SUPT3H: variants seen among roughly 807,000 people sequenced by gnomAD.
SUPT3H encodes transcription initiation protein SPT3 homolog.
A neutral mutation model predicts 44.3 loss-of-function variants in SUPT3H; 44 were observed. The ratio of observed to expected loss-of-function variants is 0.99; its 90% confidence interval spans 0.78 to 1.28. The LOEUF is 1.28. SUPT3H is among the 50% of genes most tolerant of loss of function. The pLI is 0.00. For synonymous variants in SUPT3H, 124 were observed against 125.6 expected (o/e 0.99, Z 0.09); for missense variants, 380 against 387.1 (o/e 0.98, Z 0.15).
At chr6:45,149,750 G>C (rs1303567937) in intron 2 of SUPT3H, among the ~76,000 whole-genome samples, 1 of 151,914 alleles carries the variant, frequency 6.6e-6, no homozygotes, top group African/African-American at 2.4e-5. Flanking sequence ...TAACAATCTG[G>C]ACAAAAAAAC....
At chr6:44,903,682 G>A (rs1191575767) in intron 10 of SUPT3H, among the ~76,000 whole-genome samples, 1 of 152,164 alleles carries the variant, frequency 6.6e-6, no homozygotes, top group Non-Finnish European at 1.5e-5. Flanking sequence ...CTCATTTTAT[G>A]AGGCCAGCAT....
At chr6:45,191,998 C>G (rs1216815438) in intron 2 of SUPT3H, among the ~76,000 whole-genome samples, 2 of 152,100 alleles carry the variant, frequency 1.3e-5, no homozygotes, top group African/African-American at 4.8e-5. Flanking sequence ...TATTCACTTA[C>G]TTTACTGAGT....
intron 2 of SUPT3H, among the ~76,000 whole-genome samples, chr6:45,169,792 CTA>C (rs776193488): frequency 3.2e-4 from 49 of 152,126 alleles, no homozygotes; most frequent in Non-Finnish European, 5.6e-4. Context: ...TTTAAAATCT[CTA>C]AGATTCATCC....
intron 2 of SUPT3H, among the ~76,000 whole-genome samples, chr6:45,224,787 A>G (rs1766648310): frequency 6.6e-6 from 1 of 151,812 alleles, no homozygotes; most frequent in Non-Finnish European, 1.5e-5. Flanking sequence ...CCAAAAAAAA[A>G]AAAGAAAGAA....
At chr6:44,994,432 T>C (rs1448522159) in intron 6 of SUPT3H, among the ~76,000 whole-genome samples, 3 of 152,142 alleles carry the variant, frequency 2.0e-5, no homozygotes, top group African/African-American at 7.2e-5. Flanking sequence ...ACTGCCGTAA[T>C]GTTAAAGACC....
chr6:44,982,702 ATTT>A (rs1232731939), intron 6 of SUPT3H, among the ~76,000 whole-genome samples: 1 of 152,160 alleles, frequency 6.6e-6, no homozygotes, highest in Non-Finnish European at 1.5e-5. Context: ...GCACAGAAGA[ATTT>A]TTTGCTGATT....
intron 3 of SUPT3H, among the ~76,000 whole-genome samples, chr6:45,084,892 G>A (rs1022079871): frequency 1.3e-5 from 2 of 152,086 alleles, no homozygotes; most frequent in Non-Finnish European, 2.9e-5. Context: ...GTTTTCACCT[G>A]TTAGTGGGAG....
intron 10 of SUPT3H, among the ~76,000 whole-genome samples, chr6:44,886,529 T>A (rs1762322326): frequency 6.6e-6 from 1 of 152,194 alleles, no homozygotes; most frequent in South Asian, 2.1e-4. Flanking sequence ...GCTTCAGAAG[T>A]GAAGGAGAAA....
chr6:45,098,671 C>A, intron 3 of SUPT3H: 1 of 336,784 alleles, frequency 3.0e-6, no homozygotes, highest in East Asian at 8.2e-5. Flanking sequence ...CAATCATGCC[C>A]CATCTGGACC....
intron 2 of SUPT3H, among the ~76,000 whole-genome samples, chr6:45,116,855 T>C (rs1011302632): frequency 3.9e-5 from 6 of 152,124 alleles, no homozygotes; most frequent in African/African-American, 1.4e-4. Context: ...TCCAAAACAA[T>C]GTCTCATGCC....
chr6:44,835,497 A>C (rs895275215), intron 10 of SUPT3H, among the ~76,000 whole-genome samples: 1 of 147,726 alleles, frequency 6.8e-6, no homozygotes, highest in Non-Finnish European at 1.5e-5. Flanking sequence ...CAGAGGGTTG[A>C]GGTTGAAAGG....
chr6:45,068,472 A>T (rs549203205), intron 3 of SUPT3H, among the ~76,000 whole-genome samples: 34 of 144,462 alleles, frequency 2.4e-4, no homozygotes, highest in South Asian at 1.7e-3. Context: ...ATAAAAAAAT[A>T]AAAAAAAAAG....
At chr6:45,277,863 A>T (rs1777283460) in intron 2 of SUPT3H, among the ~76,000 whole-genome samples, 1 of 152,172 alleles carries the variant, frequency 6.6e-6, no homozygotes, top group Non-Finnish European at 1.5e-5. Flanking sequence ...CTAAATGTTG[A>T]TTTCATTTTA....
chr6:45,370,390 A>G (rs892949117), intron 1 of SUPT3H, among the ~76,000 whole-genome samples: 5 of 148,732 alleles, frequency 3.4e-5, no homozygotes, highest in Admixed American at 6.7e-5. Context: ...ACTGGGAAGG[A>G]AAAAAAAAAC....
chr6:45,269,689 TTTAA>T (rs1367398286), intron 2 of SUPT3H, among the ~76,000 whole-genome samples: 1 of 152,230 alleles, frequency 6.6e-6, no homozygotes, highest in African/African-American at 2.4e-5. Context: ...ACGTTATCAA[TTTAA>T]TTGTTTGCTT....
chr6:45,071,592 C>G (rs186306860), intron 3 of SUPT3H, among the ~76,000 whole-genome samples: 200 of 152,204 alleles, frequency 1.3e-3, no homozygotes, highest in African/African-American at 4.6e-3. Flanking sequence ...TTCCCAGAAC[C>G]CTGAGCCATG....
chr6:45,355,138 CT>C (rs1205511889), intron 2 of SUPT3H, among the ~76,000 whole-genome samples: 1,354 of 131,596 alleles, frequency 0.01, 14 homozygotes, highest in African/African-American at 0.026. Context: ...AAAGACCTGG[CT>C]TTTTTTTTTT....
chr6:45,223,708 C>A (rs1183515612), intron 2 of SUPT3H, among the ~76,000 whole-genome samples: 2 of 151,740 alleles, frequency 1.3e-5, no homozygotes, highest in East Asian at 3.9e-4. Flanking sequence ...TGAGTAAAGT[C>A]TAAAATTACC....
chr6:45,136,080 T>G (rs1049804371), intron 2 of SUPT3H, among the ~76,000 whole-genome samples: 3 of 152,096 alleles, frequency 2.0e-5, no homozygotes, highest in Non-Finnish European at 2.9e-5. Context: ...CATGAAAAAC[T>G]TAACAGCCTG....
Sources: allele counts gnomAD v4.1 joint callset (sites outside exome capture counted in the v4.1 genomes callset), GRCh38; gene constraint gnomAD v4.1.1; transcripts MANE v1.5; gene names NCBI Gene and HGNC (gene_info 2026-07-23, HGNC 2026-07-21).